The following SOX5 variants were observed in gnomAD, a reference collection of about 807,000 sequenced individuals.
The protein encoded by SOX5 is SRY-box transcription factor 5, also known as transcription factor SOX-5.
In SOX5, 9 loss-of-function variants were observed where a neutral mutation model predicts 92.0. That is an observed-to-expected ratio of 0.10 (90% CI 0.06 to 0.17). The LOEUF (loss-of-function observed/expected upper bound fraction) is 0.17. SOX5 is among the 10% of genes least tolerant of loss of function. The pLI, the probability that SOX5 is intolerant of heterozygous loss-of-function variation, is 1.00. For synonymous variants in SOX5, 344 were observed against 336.3 expected (o/e 1.02, Z -0.25); for missense variants, 642 against 944.5 (o/e 0.68, Z 4.20).
intron 6 of SOX5, among the ~76,000 whole-genome samples, chr12:23,711,441 A>G (rs891398152): frequency 6.6e-6 from 1 of 152,214 alleles, no homozygotes; most frequent in African/African-American, 2.4e-5. Flanking sequence ...ATAATTGTGC[A>G]TTTAAATATA....
At chr12:23,743,025 T>C (rs1451536837) in intron 4 of SOX5, among the ~76,000 whole-genome samples, 1 of 152,152 alleles carries the variant, frequency 6.6e-6, no homozygotes, top group Admixed American at 6.6e-5. Context: ...AATGAAATTC[T>C]AGAAACAACC....
intron 1 of SOX5, among the ~76,000 whole-genome samples, chr12:24,529,142 T>G (rs1201278875): frequency 2.6e-5 from 4 of 152,108 alleles, no homozygotes; most frequent in Non-Finnish European, 4.4e-5. Flanking sequence ...CCTTATCACT[T>G]CACTTAGAAT....
chr12:23,989,218 C>CAAAAAAAAAA (rs554892984), intron 4 of SOX5, among the ~76,000 whole-genome samples: 193 of 104,176 alleles, frequency 1.9e-3, no homozygotes, highest in Middle Eastern at 5.4e-3. Context: ...GCCAAAAATA[C>CAAAAAAAAAA]AAAAAAAAAA....
In SOX5 at chr12:23,536,468, T is replaced by G. The variant is rs1378279585; in HGVS notation, c.1973A>C (p.Gln658Pro). 6.2e-7 allele frequency: 1 copy of G among 1,613,880 alleles called. No individual in the cohort carries two copies. Among genetic ancestry groups the G allele is most frequent in the Non-Finnish European group, 8.5e-7 (1 of 1,179,944 alleles). Residue 658 changes from glutamine (Q) to proline (P), a missense_variant, in exon 14 of 15, where the codon CAG becomes CCG. Coordinates refer to ENST00000451604, the MANE Select transcript of SOX5 (RefSeq NM_006940.6). The stretch of plus-strand genomic sequence containing the variant: ...AGGTACATACCCAACATTGAAGTAC[T>G]GCCGCATTTCCTGCCGCCTGTTGCG... Reference protein sequence around the residue: ...IMRNRRQEMRQYFNVGQQAQI... With the variant: ...IMRNRRQEMRPYFNVGQQAQI...
chr12:23,880,203 T>A (rs2096972558), intron 2 of SOX5, among the ~76,000 whole-genome samples: 1 of 152,162 alleles, frequency 6.6e-6, no homozygotes. Context: ...TTCAGGGGGT[T>A]CACAGGTTTC....
chr12:24,339,250 G>T (rs1952295521), intron 2 of SOX5, among the ~76,000 whole-genome samples: 1 of 151,448 alleles, frequency 6.6e-6, no homozygotes, highest in Non-Finnish European at 1.5e-5. Flanking sequence ...GACATATGGA[G>T]TATGTGTGGC....
intron 1 of SOX5, among the ~76,000 whole-genome samples, chr12:24,504,016 C>T (rs952731705): frequency 5.9e-5 from 9 of 151,758 alleles, no homozygotes; most frequent in Non-Finnish European, 1.2e-4. Context: ...AGTAGAAATT[C>T]GAACTCTCTT....
At chr12:23,572,259 G>C (rs1948484432) in intron 10 of SOX5, among the ~76,000 whole-genome samples, 1 of 152,094 alleles carries the variant, frequency 6.6e-6, no homozygotes. Flanking sequence ...TTTAATAATG[G>C]CATCACACAT....
chr12:24,388,495 G>A (rs1011244408), intron 1 of SOX5, among the ~76,000 whole-genome samples: 2 of 152,140 alleles, frequency 1.3e-5, no homozygotes, highest in South Asian at 4.1e-4. Flanking sequence ...CTCCAATACA[G>A]TGCTTTTTCT....
At chr12:23,563,151 G>A in intron 11 of SOX5, 107 bp downstream of exon 11, 1 of 929,232 alleles carries the variant, frequency 1.1e-6, no homozygotes, top group Non-Finnish European at 1.6e-6. Context: ...AAAAGGGACA[G>A]AGAATCATTT....
intron 1 of SOX5, among the ~76,000 whole-genome samples, chr12:24,404,575 G>T (rs1462871414): frequency 6.6e-6 from 1 of 152,118 alleles, no homozygotes; most frequent in Non-Finnish European, 1.5e-5. Context: ...CTGCTAGCCT[G>T]GTTTGATTGT....
At chr12:23,962,627 T>C (rs1947082473) in intron 4 of SOX5, among the ~76,000 whole-genome samples, 1 of 152,228 alleles carries the variant, frequency 6.6e-6, no homozygotes, top group South Asian at 2.1e-4. Flanking sequence ...AATAATCCTG[T>C]CAAATACAAC....
Position 23,533,339 on chromosome 12 carries a change from C to A in SOX5, c.*880G>T. On this transcript the variant is annotated 3_prime_UTR_variant, in exon 15 of 15. Coordinates refer to ENST00000451604, the MANE Select transcript of SOX5 (RefSeq NM_006940.6). Reference sequence around the variant, plus strand: ...TCTCTCTCTTTTCACCTGAGAACAGCACCTACAGTTTCCATTAAAAAAAAA... The same window carrying A: ...TCTCTCTCTTTTCACCTGAGAACAGAACCTACAGTTTCCATTAAAAAAAAA... 1 of 273,502 alleles carries A rather than the reference C, an allele frequency of 3.7e-6. No homozygotes were observed. Among genetic ancestry groups the A allele is most frequent in the Admixed American group, 4.2e-5 (1 of 23,580 alleles). 16.9% of individuals were successfully genotyped at this position (273,502 alleles called of 1,614,324 possible).
chr12:23,700,038 T>C (rs1437630409), intron 6 of SOX5, among the ~76,000 whole-genome samples: 3 of 152,118 alleles, frequency 2.0e-5, no homozygotes, highest in Non-Finnish European at 4.4e-5. Context: ...TTAAGAGTCA[T>C]TGCATATTTC....
At chr12:23,543,884 C>T (rs1306137449) in intron 12 of SOX5, among the ~76,000 whole-genome samples, 1 of 152,140 alleles carries the variant, frequency 6.6e-6, no homozygotes, top group Non-Finnish European at 1.5e-5. Flanking sequence ...AAAACACTGA[C>T]CAAATTTTGA....
At chr12:24,072,572 C>T (rs765750011) in intron 4 of SOX5, among the ~76,000 whole-genome samples, 31 of 152,182 alleles carry the variant, frequency 2.0e-4, no homozygotes, top group Admixed American at 2.6e-4. Flanking sequence ...TGGGGGATGA[C>T]GGCTCTTGCC....
intron 1 of SOX5, among the ~76,000 whole-genome samples, chr12:24,521,615 T>A (rs1461990303): frequency 1.3e-5 from 2 of 152,190 alleles, no homozygotes; most frequent in Non-Finnish European, 2.9e-5. Flanking sequence ...ATTATCTTTT[T>A]AATCATAATG....
At chr12:24,335,196 A>G (rs1425644811) in intron 2 of SOX5, among the ~76,000 whole-genome samples, 1 of 152,066 alleles carries the variant, frequency 6.6e-6, no homozygotes, top group Non-Finnish European at 1.5e-5. Flanking sequence ...AGGTTCTTTG[A>G]CCTCTCTCAA....
chr12:24,369,289 T>C (rs1377454515), intron 1 of SOX5, among the ~76,000 whole-genome samples: 4 of 152,154 alleles, frequency 2.6e-5, no homozygotes, highest in South Asian at 2.1e-4. Context: ...AGTCTAACAA[T>C]GTGATTTACA....
Sources: allele counts gnomAD v4.1 joint callset (sites outside exome capture counted in the v4.1 genomes callset), GRCh38; gene constraint gnomAD v4.1.1; transcripts MANE v1.5; gene names NCBI Gene and HGNC (gene_info 2026-07-23, HGNC 2026-07-21).